OLFM2: variants seen among roughly 807,000 people sequenced by gnomAD.
The protein encoded by OLFM2 is olfactomedin 2.
OLFM2 carries 20 observed loss-of-function variants against 43.9 expected under a neutral mutation model. The observed-to-expected ratio is 0.46, with a 90% CI of 0.32 to 0.66. The LOEUF (loss-of-function observed/expected upper bound fraction) is 0.66. Ranked by LOEUF, OLFM2 falls within the 30% of genes least tolerant of loss-of-function variation. The pLI is 0.04. For synonymous variants in OLFM2, 268 were observed against 278.6 expected (o/e 0.96, Z 0.38); for missense variants, 416 against 643.6 (o/e 0.65, Z 3.83).
chr19:9,865,075 C>G (rs2046390365), intron 1 of OLFM2, among the ~76,000 whole-genome samples: 1 of 151,892 alleles, frequency 6.6e-6, no homozygotes, highest in Non-Finnish European at 1.5e-5. Context: ...ACAAGGATGG[C>G]CCAGTACAAG....
chr19:9,879,967 A>G (rs910923876), intron 1 of OLFM2, among the ~76,000 whole-genome samples: 1 of 151,860 alleles, frequency 6.6e-6, no homozygotes, highest in African/African-American at 2.4e-5. Flanking sequence ...AGTAGAGACA[A>G]GGTTTCATCA....
At chr19:9,921,159 C>A (rs962894636) in intron 1 of OLFM2, among the ~76,000 whole-genome samples, 4 of 152,160 alleles carry the variant, frequency 2.6e-5, no homozygotes, top group African/African-American at 9.7e-5. Flanking sequence ...TACCGTCACC[C>A]AGGCTGGAGT....
chr19:9,860,718 G>C lies in OLFM2; in HGVS notation c.140C>G (p.Thr47Arg), dbSNP rs751800583. The change falls in exon 2 of 6, where the codon ACG becomes AGG. Residue 47 changes from threonine to arginine, a missense_variant. Thr to Arg is a moderately conservative substitution (Grantham distance 71). Transcript: ENST00000264833. Reference protein sequence around the residue: ...AQAPDGKCICTAVIPAQSTCS... With the variant: ...AQAPDGKCICRAVIPAQSTCS... ...GGTACTCTGCGCTGGGATCACGGCCGTGCAGATGCATTTCCCGTCAGGGGC... is the reference window on the plus strand; with the variant it reads ...GGTACTCTGCGCTGGGATCACGGCCCTGCAGATGCATTTCCCGTCAGGGGC... 3.7e-6 allele frequency: 6 copies of C among 1,607,494 alleles called. No individual in the cohort carries two copies. The highest frequency in any genetic ancestry group is 5.1e-6 in the Non-Finnish European group (6 of 1,177,162).
intron 1 of OLFM2, among the ~76,000 whole-genome samples, chr19:9,886,613 T>C (rs1378988997): frequency 6.6e-6 from 1 of 152,116 alleles, no homozygotes; most frequent in Non-Finnish European, 1.5e-5. Flanking sequence ...AGCCCTCACT[T>C]CGAAATGCAT....
chr19:9,860,966 G>A (rs538350624), intron 1 of OLFM2, among the ~76,000 whole-genome samples, 172 bp from the exon 2 acceptor site: 5 of 152,128 alleles, frequency 3.3e-5, no homozygotes, highest in African/African-American at 9.7e-5. Flanking sequence ...CTCATTTCAC[G>A]GATGGCAAGA....
chr19:9,909,878 C>T (rs535257380), intron 1 of OLFM2, among the ~76,000 whole-genome samples: 6 of 152,210 alleles, frequency 3.9e-5, no homozygotes, highest in South Asian at 2.1e-4. Flanking sequence ...ACTATGTGCC[C>T]GTTATTTATT....
chr19:9,887,234 A>C (rs1373121888), intron 1 of OLFM2, among the ~76,000 whole-genome samples: 4 of 151,542 alleles, frequency 2.6e-5, no homozygotes, highest in African/African-American at 7.3e-5. Context: ...GCTGGAGTGC[A>C]GTGGTGTGAT....
intron 1 of OLFM2, among the ~76,000 whole-genome samples, chr19:9,889,360 C>T (rs147231206): frequency 0.016 from 2,456 of 152,036 alleles, 48 homozygotes; most frequent in South Asian, 0.056. Flanking sequence ...GCAATCCTCC[C>T]ACCTCAGCCT....
In OLFM2 at chr19:9,912,274, C is replaced by T. The variant is rs78812846; in HGVS notation, c.63+24030G>A. Among the ~76,000 whole-genome samples, 119 of 152,284 alleles carry T rather than the reference C, an allele frequency of 7.8e-4. 1 individual carries two copies. The East Asian group carries it at 0.022, about 29-fold the overall frequency. On this transcript the variant is annotated intron_variant, in intron 1 of 5. Transcript: ENST00000264833. ...CCTGTGTCAAGCCCAATACCACCCC[C>T]ACCAGGGGCTGGACAAAGCCTTCTC... is the stretch of plus-strand genomic sequence containing the variant.
intron 1 of OLFM2, among the ~76,000 whole-genome samples, chr19:9,870,543 G>A (rs554715560): frequency 1.3e-5 from 2 of 152,276 alleles, no homozygotes; most frequent in East Asian, 1.9e-4. Context: ...GGATGTAGGC[G>A]CACACTGCTG....
chr19:9,874,277 G>C (rs931071303), intron 1 of OLFM2, among the ~76,000 whole-genome samples: 3 of 149,362 alleles, frequency 2.0e-5, no homozygotes, highest in Non-Finnish European at 4.4e-5. Flanking sequence ...TTCTGACCTT[G>C]ACAGTTTTGA....
rs1406571793 is a variant in OLFM2 at position 9,856,884 on chromosome 19, G to A, written c.610C>T (p.Pro204Ser). The A allele has an allele frequency of 2.5e-6, 4 of 1,612,432 alleles. No individual in the cohort carries two copies. The highest frequency in any genetic ancestry group is 3.4e-6 in the Non-Finnish European group (4 of 1,179,404). Residue 204 changes from proline to serine, a missense_variant, in exon 5 of 6, where the codon CCC (proline) becomes TCC (serine). Transcript: ENST00000264833. This position sits in a 1 kb window ranked among gnomAD's most constrained non-coding sequence, Gnocchi z 4.0. Reference protein sequence around the residue: ...GCGKLTGVSNPITVRAMGSRF... With the variant: ...GCGKLTGVSNSITVRAMGSRF... ...GACCCCATGGCCCGAACGGTGATGG[G>A]GTTACTGACCCCGGTCAGCTTCCCA...
intron 1 of OLFM2, among the ~76,000 whole-genome samples, chr19:9,877,955 C>T (rs1211616458): frequency 6.6e-6 from 1 of 152,098 alleles, no homozygotes; most frequent in African/African-American, 2.4e-5. Context: ...CAGGCTCAGT[C>T]GATCCCCCTG....
At chr19:9,915,202 C>T (rs975678951) in intron 1 of OLFM2, among the ~76,000 whole-genome samples, 2 of 151,430 alleles carry the variant, frequency 1.3e-5, no homozygotes, top group South Asian at 4.2e-4. Context: ...AAAATGCCTG[C>T]CTGTGTGAAA....
At chr19:9,913,631 C>A (rs1319696579) in intron 1 of OLFM2, 1 of 1,283,520 alleles carries the variant, frequency 7.8e-7, no homozygotes, top group Non-Finnish European at 1.0e-6. Flanking sequence ...GCCTCCGCCT[C>A]ATGCCCCGCG....
chr19:9,923,337 T>C (rs2086432007), intron 1 of OLFM2, among the ~76,000 whole-genome samples: 1 of 151,682 alleles, frequency 6.6e-6, no homozygotes, highest in Non-Finnish European at 1.5e-5. Context: ...GGCAGATCAC[T>C]TGAGGTCAGG....
intron 2 of OLFM2, 91 bp downstream of exon 2, chr19:9,860,554 T>C: frequency 2.9e-6 from 4 of 1,392,430 alleles, no homozygotes; most frequent in Non-Finnish European, 2.0e-6. Flanking sequence ...TAGCTGGATA[T>C]GGCCACTGGC....
intron 1 of OLFM2, among the ~76,000 whole-genome samples, chr19:9,903,878 T>C (rs2046760998): frequency 6.6e-6 from 1 of 152,172 alleles, no homozygotes; most frequent in South Asian, 2.1e-4. Flanking sequence ...TATCCTGGCA[T>C]CACACTAAAG....
chr19:9,911,276 T>A (rs2046825389), intron 1 of OLFM2, among the ~76,000 whole-genome samples: 1 of 152,182 alleles, frequency 6.6e-6, no homozygotes, highest in East Asian at 1.9e-4. Flanking sequence ...GACACCCTCA[T>A]GTCACAGTCC....
Sources: allele counts gnomAD v4.1 joint callset (sites outside exome capture counted in the v4.1 genomes callset), GRCh38; gene constraint gnomAD v4.1.1; non-coding constraint Gnocchi (gnomAD v3.1); transcripts MANE v1.5; gene names NCBI Gene and HGNC (gene_info 2026-07-23, HGNC 2026-07-21).